PKNOX2: variants seen among roughly 807,000 people sequenced by gnomAD.
The protein encoded by PKNOX2 is homeobox protein PKNOX2.
PKNOX2 carries 14 observed loss-of-function variants against 53.1 expected under a neutral mutation model. The ratio of observed to expected loss-of-function variants is 0.26; its 90% CI spans 0.17 to 0.41. The LOEUF (loss-of-function observed/expected upper bound fraction) is 0.41. PKNOX2 is among the 10% of genes least tolerant of loss of function. PKNOX2 has a pLI of 1.00. For missense variants in PKNOX2, 496 were observed against 602.8 expected (o/e 0.82, Z 1.85); for synonymous variants, 257 against 242.8 (o/e 1.06, Z -0.54).
intron 12 of PKNOX2, 138 bp downstream of exon 12, chr11:125,430,279 TC>T: frequency 9.6e-7 from 1 of 1,037,764 alleles, no homozygotes; most frequent in East Asian, 2.7e-5. Context: ...TGATTATCCC[TC>T]CCCAAAGCCC....
chr11:125,282,609 C>G (rs1946637676), intron 2 of PKNOX2, among the ~76,000 whole-genome samples: 1 of 152,218 alleles, frequency 6.6e-6, no homozygotes, highest in Admixed American at 6.5e-5. Flanking sequence ...GCACTGGTCT[C>G]TGTCATCCAA....
intron 2 of PKNOX2, among the ~76,000 whole-genome samples, chr11:125,243,722 A>G (rs146749640): frequency 0.013 from 2,000 of 150,750 alleles, 50 homozygotes; most frequent in African/African-American, 0.046. Context: ...TCTTTGGTTC[A>G]TGCCGTTCTC....
At chr11:125,415,190 A>G (rs1195467506) in intron 10 of PKNOX2, among the ~76,000 whole-genome samples, 2 of 150,308 alleles carry the variant, frequency 1.3e-5, no homozygotes, top group African/African-American at 4.9e-5. Context: ...AAGAGGTTCC[A>G]TGGTGAAATA....
At chr11:125,248,915 T>TAA (rs1330413301) in intron 2 of PKNOX2, among the ~76,000 whole-genome samples, 1 of 120,542 alleles carries the variant, frequency 8.3e-6, no homozygotes, top group South Asian at 2.7e-4. Flanking sequence ...CGTATATATA[T>TAA]AACATATATA....
rs148546877 is a variant in PKNOX2, at chr11:125,197,165, A to T, written c.-201+32389A>T. On this transcript the variant is annotated intron_variant, in intron 1 of 12. Coordinates refer to ENST00000298282, the MANE Select transcript of PKNOX2 (RefSeq NM_001382323.2). ...GACAGAGATCTTGCTTAGTTGAGGC[A>T]GGTTGGTGTTTGGAGTAGTTGAGTG... 1.8e-3 allele frequency among the ~76,000 whole-genome samples: 281 copies of T among 152,322 alleles called. 1 individual carries two copies. The highest frequency in any genetic ancestry group is 6.6e-3 in the African/African-American group (273 of 41,578).
chr11:125,381,429 C>A (rs538272983), intron 5 of PKNOX2, among the ~76,000 whole-genome samples: 15 of 152,228 alleles, frequency 9.9e-5, no homozygotes, highest in African/African-American at 3.4e-4. Flanking sequence ...CCCTATGCTC[C>A]ATAGACTCTT....
chr11:125,370,812 G>C lies in PKNOX2; in HGVS notation c.227+2827G>C, dbSNP rs773775042. 6.6e-6 allele frequency among the ~76,000 whole-genome samples: 1 copy of C among 152,246 alleles called. No homozygotes were observed. Among genetic ancestry groups the C allele is most frequent in the Non-Finnish European group, 1.5e-5 (1 of 68,042 alleles). On this transcript the variant is annotated intron_variant, in intron 5 of 12. Coordinates refer to ENST00000298282, the MANE Select transcript of PKNOX2 (RefSeq NM_001382323.2). The surrounding 1 kb of genome is among the most constrained non-coding windows in gnomAD (Gnocchi z 4.1). The stretch of plus-strand genomic sequence containing the variant: ...TTTGCCTGCCTGGGGCAGCCTGGCT[G>C]CTCCAAAGCACATCAGGGAGTCGGC...
At chr11:125,297,896 A>G (rs1310212956) in intron 2 of PKNOX2, among the ~76,000 whole-genome samples, 1 of 152,128 alleles carries the variant, frequency 6.6e-6, no homozygotes, top group Non-Finnish European at 1.5e-5. Flanking sequence ...TCATTGTCAC[A>G]TTTCCATAAC....
intron 1 of PKNOX2, among the ~76,000 whole-genome samples, chr11:125,229,444 A>G (rs1942009631): frequency 6.6e-6 from 1 of 152,260 alleles, no homozygotes; most frequent in Admixed American, 6.5e-5. Context: ...AGATTTCTAA[A>G]TGTGAAATTT....
intron 1 of PKNOX2, among the ~76,000 whole-genome samples, chr11:125,184,836 C>T (rs1017595983): frequency 5.9e-5 from 9 of 152,144 alleles, no homozygotes; most frequent in Admixed American, 2.0e-4. Context: ...AACACCATCC[C>T]GCATCTGTAG....
chr11:125,214,946 G>A (rs1940309846), intron 1 of PKNOX2, among the ~76,000 whole-genome samples: 1 of 152,090 alleles, frequency 6.6e-6, no homozygotes, highest in African/African-American at 2.4e-5. Flanking sequence ...AGATCCCCCA[G>A]GGGCCTGCGG....
chr11:125,238,422 G>T (rs1026081317), intron 2 of PKNOX2, among the ~76,000 whole-genome samples: 2 of 152,150 alleles, frequency 1.3e-5, no homozygotes, highest in African/African-American at 2.4e-5. Context: ...ACTATGTTAT[G>T]GGATGATGTT....
chr11:125,222,807 GTGTA>G, intron 1 of PKNOX2, among the ~76,000 whole-genome samples: 1 of 151,980 alleles, frequency 6.6e-6, no homozygotes, highest in East Asian at 1.9e-4. Context: ...GTGTGTGCGT[GTGTA>G]TGTGTGTGTG....
chr11:125,422,171 CCT>C lies in PKNOX2; in HGVS notation c.937-6839_937-6838del, dbSNP rs1956206428. Among the ~76,000 whole-genome samples the C allele has an allele frequency of 6.6e-6, 1 of 152,102 alleles. No homozygotes were observed. The highest frequency in any genetic ancestry group is 2.1e-4 in the South Asian group (1 of 4,822). ...ACCCCTCGCTCCAAGTTGTTGTGGTCCTCAAACCCTCTTCACCCCTTATTCTC... is the reference window on the plus strand; with the variant it reads ...ACCCCTCGCTCCAAGTTGTTGTGGTCCAAACCCTCTTCACCCCTTATTCTC... On this transcript the variant is annotated intron_variant, in intron 10 of 12. Transcript: ENST00000298282. The surrounding 1 kb of genome is among the most constrained non-coding windows in gnomAD (Gnocchi z 4.1).
chr11:125,212,082 C>T (rs865858174), intron 1 of PKNOX2, among the ~76,000 whole-genome samples: 8 of 152,234 alleles, frequency 5.3e-5, no homozygotes, highest in Non-Finnish European at 8.8e-5. Flanking sequence ...CAATCCTTTT[C>T]ATGTTGATTA....
intron 2 of PKNOX2, among the ~76,000 whole-genome samples, chr11:125,310,357 T>C (rs1948726944): frequency 6.6e-6 from 1 of 151,898 alleles, no homozygotes; most frequent in Non-Finnish European, 1.5e-5. Context: ...TAACCAGGCA[T>C]GGTGGCGCAT....
intron 6 of PKNOX2, among the ~76,000 whole-genome samples, chr11:125,391,264 G>T (rs1591553599): frequency 6.6e-6 from 1 of 152,312 alleles, no homozygotes; most frequent in East Asian, 1.9e-4. Context: ...TCCCTGTGGT[G>T]ACGAGACTCA....
At chr11:125,331,292 T>TG (rs1950127137) in intron 2 of PKNOX2, among the ~76,000 whole-genome samples, 5 of 152,244 alleles carry the variant, frequency 3.3e-5, no homozygotes, top group Admixed American at 3.3e-4. Flanking sequence ...TTAGGCCCAT[T>TG]CCCCTCCGAC....
chr11:125,194,501 C>G (rs2135367333), intron 1 of PKNOX2, among the ~76,000 whole-genome samples: 1 of 152,070 alleles, frequency 6.6e-6, no homozygotes, highest in East Asian at 1.9e-4. Context: ...CACCCTGTGT[C>G]CTCACAGCAG....
Sources: allele counts gnomAD v4.1 joint callset (sites outside exome capture counted in the v4.1 genomes callset), GRCh38; gene constraint gnomAD v4.1.1; non-coding constraint Gnocchi (gnomAD v3.1); transcripts MANE v1.5; gene names NCBI Gene and HGNC (gene_info 2026-07-23, HGNC 2026-07-21).